The following CEP128 variants were observed in gnomAD, a reference collection of about 807,000 sequenced individuals.
The protein encoded by CEP128 is centrosomal protein 128, also known as centrosomal protein 128kDa.
Under a neutral mutation model 156.7 loss-of-function variants are expected in CEP128, and 132 were observed. The ratio of observed to expected loss-of-function variants is 0.84; its 90% CI spans 0.73 to 0.97. The LOEUF is 0.97. Among genes scored for constraint, CEP128 ranks in the 50% least tolerant of loss-of-function variants. CEP128 has a pLI of 0.00. For synonymous variants in CEP128, 469 were observed against 448.9 expected (o/e 1.04, Z -0.57); for missense variants, 1,252 against 1,281.9 (o/e 0.98, Z 0.36).
chr14:80,506,222 A>C (rs2140197493), intron 23 of CEP128, among the ~76,000 whole-genome samples: 1 of 152,024 alleles, frequency 6.6e-6, no homozygotes, highest in South Asian at 2.1e-4. Context: ...TGTGGAGGTG[A>C]GAAAGAGTTT....
At chr14:80,813,805 C>T (rs1027976459) in intron 13 of CEP128, among the ~76,000 whole-genome samples, 3 of 152,050 alleles carry the variant, frequency 2.0e-5, no homozygotes, top group Non-Finnish European at 4.4e-5. Context: ...CTAGACTTTT[C>T]CCAAACTTTT....
chr14:80,701,539 G>A (rs1296106475), intron 19 of CEP128, among the ~76,000 whole-genome samples: 1 of 152,108 alleles, frequency 6.6e-6, no homozygotes, highest in East Asian at 1.9e-4. Flanking sequence ...CTTCTCTCCT[G>A]CCTCAAAGAT....
chr14:80,594,216 T>G (rs887987137), intron 19 of CEP128, among the ~76,000 whole-genome samples: 2 of 152,162 alleles, frequency 1.3e-5, no homozygotes, highest in Non-Finnish European at 2.9e-5. Context: ...AAACAGGCAA[T>G]GGGGAAAGGA....
In CEP128 at chr14:80,650,849, T is replaced by C. The variant is rs370072553; in HGVS notation, c.2807-70426A>G. Reference sequence around the variant, plus strand: ...ATTTTATTTAGGATTTTCTCATAGATGTTCATCAGGGATACTGGCCTGAAA... The same window carrying C: ...ATTTTATTTAGGATTTTCTCATAGACGTTCATCAGGGATACTGGCCTGAAA... On this transcript the variant is annotated intron_variant, in intron 19 of 24. Coordinates refer to ENST00000555265, the MANE Select transcript of CEP128 (RefSeq NM_152446.5). Among the ~76,000 whole-genome samples the C allele has an allele frequency of 2.4e-4, 36 of 152,318 alleles. 4 individuals carry two copies. Among genetic ancestry groups the C allele is most frequent in the Admixed American group, 8.5e-4 (13 of 15,298 alleles).
intron 2 of CEP128, among the ~76,000 whole-genome samples, chr14:80,956,191 G>A (rs892163853): frequency 6.6e-6 from 1 of 152,184 alleles, no homozygotes; most frequent in Admixed American, 6.5e-5. Context: ...AAGGATAATG[G>A]CATCTCAGGA....
intron 21 of CEP128, among the ~76,000 whole-genome samples, chr14:80,551,482 G>A (rs1890206616): frequency 6.6e-6 from 1 of 152,132 alleles, no homozygotes; most frequent in Admixed American, 6.5e-5. Flanking sequence ...AATCACACTT[G>A]CTTTATGGTA....
intron 2 of CEP128, among the ~76,000 whole-genome samples, chr14:80,926,060 G>A (rs1885126361): frequency 6.6e-6 from 1 of 152,182 alleles, no homozygotes; most frequent in Admixed American, 6.5e-5. Context: ...AACTGAGGCA[G>A]TGGTCACAGG....
At chr14:80,766,066 A>G (rs1900223807) in intron 16 of CEP128, among the ~76,000 whole-genome samples, 1 of 152,204 alleles carries the variant, frequency 6.6e-6, no homozygotes, top group South Asian at 2.1e-4. Flanking sequence ...AGAATAGACC[A>G]CAAAATCAAA....
chr14:80,722,597 A>T (rs930220867), intron 19 of CEP128, among the ~76,000 whole-genome samples: 2 of 151,700 alleles, frequency 1.3e-5, no homozygotes, highest in African/African-American at 4.8e-5. Context: ...TGAGAAAAGA[A>T]AAAATGTTTA....
intron 19 of CEP128, among the ~76,000 whole-genome samples, chr14:80,671,105 T>C (rs1895822414): frequency 6.6e-6 from 1 of 152,178 alleles, no homozygotes; most frequent in Non-Finnish European, 1.5e-5. Context: ...TAGGATGTTG[T>C]AGATAAGTAG....
At chr14:80,504,856 T>C in intron 24 of CEP128, 56 bp downstream of exon 24, 1 of 869,710 alleles carries the variant, frequency 1.1e-6, no homozygotes, top group Non-Finnish European at 1.8e-6. Context: ...AATTTTCCCA[T>C]GTGTTGCATT....
intron 19 of CEP128, among the ~76,000 whole-genome samples, chr14:80,655,732 G>A (rs1566837252): frequency 1.3e-5 from 2 of 152,134 alleles, no homozygotes; most frequent in Admixed American, 6.6e-5. Context: ...AAAGATAGAT[G>A]GGTGCTGGTG....
chr14:80,621,428 T>C (rs902762235), intron 19 of CEP128, among the ~76,000 whole-genome samples: 3 of 152,202 alleles, frequency 2.0e-5, no homozygotes, highest in Non-Finnish European at 4.4e-5. Context: ...AAAAGCTATA[T>C]ATAACAAAAC....
intron 19 of CEP128, among the ~76,000 whole-genome samples, chr14:80,713,463 A>G (rs991038976): frequency 1.3e-5 from 2 of 152,050 alleles, no homozygotes; most frequent in Admixed American, 1.3e-4. Flanking sequence ...GCAAACTCCT[A>G]TTTAACCCTC....
At chr14:80,620,927 T>C (rs1012236973) in intron 19 of CEP128, among the ~76,000 whole-genome samples, 1 of 152,168 alleles carries the variant, frequency 6.6e-6, no homozygotes, top group South Asian at 2.1e-4. Context: ...TGCAGAAAAT[T>C]CAAACAAGTT....
chr14:80,854,435 T>G (rs1284135895), intron 9 of CEP128, among the ~76,000 whole-genome samples: 8 of 151,920 alleles, frequency 5.3e-5, no homozygotes, highest in African/African-American at 1.9e-4. Context: ...GACCAAAAAG[T>G]CCCCATATAT....
chr14:80,490,872 G>A (rs1221428986), intron 6 of CEP128: 1 of 150,836 alleles, frequency 6.6e-6, no homozygotes, highest in East Asian at 2.0e-4. Context: ...CAGGGTTCTT[G>A]AATTTGACCA....
At chr14:80,607,138 C>G (rs1338463621) in intron 19 of CEP128, among the ~76,000 whole-genome samples, 1 of 151,572 alleles carries the variant, frequency 6.6e-6, no homozygotes, top group Admixed American at 6.6e-5. Context: ...TTAGAGAAAG[C>G]CTTTGATATT....
chr14:80,635,106 C>T (rs1234956437), intron 19 of CEP128, among the ~76,000 whole-genome samples: 2 of 152,174 alleles, frequency 1.3e-5, no homozygotes, highest in African/African-American at 4.8e-5. Context: ...ATTTGGCCTG[C>T]TCGTTCTAGC....
Sources: allele counts gnomAD v4.1 joint callset (sites outside exome capture counted in the v4.1 genomes callset), GRCh38; gene constraint gnomAD v4.1.1; transcripts MANE v1.5; gene names NCBI Gene and HGNC (gene_info 2026-07-23, HGNC 2026-07-21).